TSPAN18: variants seen among roughly 807,000 people sequenced by gnomAD.
The protein encoded by TSPAN18 is tetraspanin-18.
Under a neutral mutation model 27.3 loss-of-function variants are expected in TSPAN18, and 14 were observed. The ratio of observed to expected loss-of-function variants is 0.51; its 90% CI spans 0.34 to 0.80. The LOEUF (loss-of-function observed/expected upper bound fraction) is 0.80, where lower values mean the gene tolerates loss of function less well. Ranked by LOEUF, TSPAN18 falls within the 30% of genes least tolerant of loss-of-function variation. The probability of loss-of-function intolerance (pLI) is 0.01; values close to 1 mark genes in which losing one functional copy is unlikely to be tolerated. For missense variants in TSPAN18, 268 were observed against 323.9 expected, an observed-to-expected ratio of 0.83 and a Z score of 1.32; for synonymous variants, 143 against 136.5, an observed-to-expected ratio of 1.05 and a Z score of -0.33.
At chr11:44,741,776 A>T (rs1322624845) in intron 1 of TSPAN18, among the ~76,000 whole-genome samples, 1 of 152,130 alleles carries the variant, frequency 6.6e-6, no homozygotes, top group Admixed American at 6.5e-5. Context: ...TTCCCTCTGA[A>T]CGTTAGTTTC....
intron 2 of TSPAN18, among the ~76,000 whole-genome samples, chr11:44,814,734 C>A (rs1856787465): frequency 6.6e-6 from 1 of 152,086 alleles, no homozygotes; most frequent in Non-Finnish European, 1.5e-5. Context: ...GTGGCCACTA[C>A]AATAGACCAG....
chr11:44,788,699 G>A (rs560243303), intron 2 of TSPAN18, among the ~76,000 whole-genome samples: 4 of 152,052 alleles, frequency 2.6e-5, no homozygotes, highest in Admixed American at 6.6e-5. Context: ...TCCCCGCCTC[G>A]GCCTCCCAAA....
At chr11:44,824,046 G>A (rs1196329911) in intron 2 of TSPAN18, among the ~76,000 whole-genome samples, 4 of 152,154 alleles carry the variant, frequency 2.6e-5, no homozygotes, top group East Asian at 1.9e-4. Flanking sequence ...GGTCATGACC[G>A]CCCCCAGCTC....
chr11:44,772,423 C>T (rs1354182731), intron 2 of TSPAN18, among the ~76,000 whole-genome samples: 2 of 4,650 alleles, frequency 4.3e-4, no homozygotes, highest in Non-Finnish European at 0.015. Flanking sequence ...ACCGTTATGA[C>T]ATGGAAAATG....
chr11:44,906,141 G>T (rs766933033), intron 3 of TSPAN18, among the ~76,000 whole-genome samples: 8 of 152,244 alleles, frequency 5.3e-5, no homozygotes, highest in Non-Finnish European at 8.8e-5. Context: ...GGAAGGTTCT[G>T]TTCCTAATCT....
At chr11:44,766,668 G>C (rs1463026861) in intron 2 of TSPAN18, among the ~76,000 whole-genome samples, 1 of 152,216 alleles carries the variant, frequency 6.6e-6, no homozygotes, top group Non-Finnish European at 1.5e-5. Flanking sequence ...AGGGAGCAGA[G>C]CTATTTAGCC....
At chr11:44,775,507 C>G (rs1457486867) in intron 2 of TSPAN18, among the ~76,000 whole-genome samples, 1 of 152,140 alleles carries the variant, frequency 6.6e-6, no homozygotes, top group Non-Finnish European at 1.5e-5. Flanking sequence ...TCACCGAATC[C>G]CTATAGGTCC....
At chr11:44,849,129 C>T (rs930732355) in intron 2 of TSPAN18, among the ~76,000 whole-genome samples, 4 of 152,050 alleles carry the variant, frequency 2.6e-5, no homozygotes, top group East Asian at 1.9e-4. Context: ...TTAGAGGCTA[C>T]GGGTGGCAGC....
At chr11:44,758,167 A>G (rs371006024) in intron 1 of TSPAN18, among the ~76,000 whole-genome samples, 78 of 152,324 alleles carry the variant, frequency 5.1e-4, no homozygotes, top group African/African-American at 1.7e-3. Context: ...ACCATTGAAT[A>G]TGATGTCTGC....
chr11:44,751,290 C>T (rs1855204970), intron 1 of TSPAN18, among the ~76,000 whole-genome samples: 1 of 152,204 alleles, frequency 6.6e-6, no homozygotes. Flanking sequence ...AAGCCTGACC[C>T]TGGCAGCCTG....
intron 8 of TSPAN18, among the ~76,000 whole-genome samples, chr11:44,922,127 T>G (rs1860164543): frequency 6.6e-6 from 1 of 151,450 alleles, no homozygotes; most frequent in Non-Finnish European, 1.5e-5. Flanking sequence ...ATTTTTTTTT[T>G]TTTTTTTGAG....
At chr11:44,746,975 C>T (rs1349538369) in intron 1 of TSPAN18, among the ~76,000 whole-genome samples, 1 of 152,216 alleles carries the variant, frequency 6.6e-6, no homozygotes, top group African/African-American at 2.4e-5. Context: ...ATGTGGGAAA[C>T]CCATTCTTGG....
At chr11:44,777,751 C>T (rs922578866) in intron 2 of TSPAN18, among the ~76,000 whole-genome samples, 4 of 152,200 alleles carry the variant, frequency 2.6e-5, no homozygotes, top group African/African-American at 4.8e-5. Flanking sequence ...CCACCTCCCC[C>T]CCTTTTCTTT....
chr11:44,863,666 C>T (rs530647953), intron 3 of TSPAN18, among the ~76,000 whole-genome samples: 1 of 152,326 alleles, frequency 6.6e-6, no homozygotes, highest in South Asian at 2.1e-4. Context: ...TCCTTAGCCT[C>T]CTGGCCTATA....
chr11:44,759,829 T>C (rs1565136758), intron 1 of TSPAN18, among the ~76,000 whole-genome samples: 2 of 152,168 alleles, frequency 1.3e-5, no homozygotes, highest in Non-Finnish European at 1.5e-5. Context: ...AAAAATCACA[T>C]GAGCAAAAAA....
chr11:44,863,794 G>A (rs1857959331), intron 3 of TSPAN18, among the ~76,000 whole-genome samples: 1 of 2,800 alleles, frequency 3.6e-4, no homozygotes, highest in African/African-American at 4.0e-4. Context: ...GATAGTAATA[G>A]TCACTTCTCG....
At chr11:44,751,660 G>C (rs1438140860) in intron 1 of TSPAN18, among the ~76,000 whole-genome samples, 1 of 152,168 alleles carries the variant, frequency 6.6e-6, no homozygotes, top group African/African-American at 2.4e-5. Flanking sequence ...GCTCACACCT[G>C]TAATCCCAGC....
chr11:44,770,117 A>G (rs1302129447), intron 2 of TSPAN18, among the ~76,000 whole-genome samples: 1 of 152,194 alleles, frequency 6.6e-6, no homozygotes, highest in Non-Finnish European at 1.5e-5. Context: ...GCACTGCTCT[A>G]CATGCTGGGA....
chr11:44,745,266 A>C (rs1855044404), intron 1 of TSPAN18, among the ~76,000 whole-genome samples: 1 of 152,196 alleles, frequency 6.6e-6, no homozygotes, highest in South Asian at 2.1e-4. Context: ...AAGTGATTTT[A>C]ATATAATTTC....
Sources: allele counts gnomAD v4.1 joint callset (sites outside exome capture counted in the v4.1 genomes callset), GRCh38; gene constraint gnomAD v4.1.1; transcripts MANE v1.5; gene names NCBI Gene and HGNC (gene_info 2026-07-23, HGNC 2026-07-21).